DNAH14: variants seen among roughly 807,000 people sequenced by gnomAD.
DNAH14 encodes axonemal beta dynein heavy chain 14.
Under a neutral mutation model 520.9 loss-of-function variants are expected in DNAH14, and 478 were observed. That is an observed-to-expected ratio of 0.92 (90% CI 0.85 to 0.99). DNAH14 has a LOEUF of 0.99. Among genes scored for constraint, DNAH14 ranks in the 50% least tolerant of loss-of-function variants. The pLI, the probability that DNAH14 is intolerant of heterozygous loss-of-function variation, is 0.00. For synonymous variants in DNAH14, 1,581 were observed against 1,757.2 expected, an observed-to-expected ratio of 0.90 and a Z score of 2.51; for missense variants, 4,831 against 5,234.5, an observed-to-expected ratio of 0.92 and a Z score of 2.38.
chr1:225,328,633 G>A (rs945073337), intron 64 of DNAH14, among the ~76,000 whole-genome samples: 1 of 88,064 alleles, frequency 1.1e-5, no homozygotes, highest in African/African-American at 6.1e-5. Context: ...GAAAATCTAA[G>A]GAACTTTGGG....
chr1:225,366,203 C>T (rs2095550953), intron 76 of DNAH14, among the ~76,000 whole-genome samples: 1 of 152,136 alleles, frequency 6.6e-6, no homozygotes, highest in Non-Finnish European at 1.5e-5. Context: ...GAAATAACTA[C>T]TCTCACATAA....
chr1:225,230,949 G>C (rs1049646685), intron 41 of DNAH14, 124 bp from the exon 42 acceptor site: 1 of 629,224 alleles, frequency 1.6e-6, no homozygotes, highest in Non-Finnish European at 2.7e-6. Context: ...GATACTGTAT[G>C]TTAAATAAAG....
chr1:225,360,858 C>G lies in DNAH14; in HGVS notation c.11954C>G (p.Ser3985Ter). 1 of 1,551,710 alleles carries G rather than the reference C, an allele frequency of 6.4e-7. No individual in the cohort carries two copies. Residue 3985 changes from serine to a stop codon, truncating the protein, a stop_gained, in exon 75 of 86, where the codon TCA becomes TGA. Coordinates refer to ENST00000682510, the MANE Select transcript of DNAH14 (RefSeq NM_001367479.1). LOFTEE classifies it high-confidence loss of function. ...CTCCAGAACTGCCATCTTGCAACATCATTTATGCCAAGGCTTTGCACAATT... is the reference window on the plus strand; with the variant it reads ...CTCCAGAACTGCCATCTTGCAACATGATTTATGCCAAGGCTTTGCACAATT... ...VFLQNCHLAT[S>*]FMPRLCTIVE...
At chr1:224,947,562 C>G (rs1237388035) in intron 1 of DNAH14, among the ~76,000 whole-genome samples, 1 of 151,982 alleles carries the variant, frequency 6.6e-6, no homozygotes, top group South Asian at 2.1e-4. Context: ...TATTTTTAAA[C>G]ATTTCTGCTT....
intron 1 of DNAH14, among the ~76,000 whole-genome samples, chr1:224,939,609 G>C (rs780813854): frequency 2.0e-5 from 3 of 152,082 alleles, no homozygotes; most frequent in African/African-American, 7.2e-5. Context: ...GCGTGAACCC[G>C]GGAGGTGGAG....
intron 19 of DNAH14, among the ~76,000 whole-genome samples, chr1:225,082,197 T>TGTGTGTGTGTGTGTGTGTGC (rs374597749): frequency 3.3e-4 from 50 of 151,690 alleles, no homozygotes; most frequent in Non-Finnish European, 5.4e-4. Context: ...TGTGTGTGTG[T>TGTGTGTGTGTGTGTGTGTGC]GCACATGCGC....
At chr1:225,294,755 C>A (rs2093969254) in intron 55 of DNAH14, among the ~76,000 whole-genome samples, 1 of 151,490 alleles carries the variant, frequency 6.6e-6, no homozygotes, top group South Asian at 2.1e-4. Context: ...ACCCAGGAGA[C>A]AGAGGTTGCC....
At chr1:225,069,240 G>A (rs2071268865) in intron 17 of DNAH14, among the ~76,000 whole-genome samples, 1 of 152,078 alleles carries the variant, frequency 6.6e-6, no homozygotes, top group Non-Finnish European at 1.5e-5. Context: ...TTGCAATACT[G>A]TGTTGAATAG....
At chr1:225,096,106 A>T (rs1220885542) in intron 21 of DNAH14, among the ~76,000 whole-genome samples, 1 of 151,780 alleles carries the variant, frequency 6.6e-6, no homozygotes, top group African/African-American at 2.4e-5. Flanking sequence ...ATCTGGGATT[A>T]CCGGCACCGC....
chr1:225,357,916 CT>C (rs1324303049), intron 73 of DNAH14: 3 of 691,958 alleles, frequency 4.3e-6, no homozygotes. Context: ...GGTCTTTCCT[CT>C]GAAATTTTCA....
chr1:225,212,138 G>A (rs1449393758), intron 41 of DNAH14, among the ~76,000 whole-genome samples: 1 of 140,682 alleles, frequency 7.1e-6, no homozygotes, highest in Non-Finnish European at 1.5e-5. Context: ...TCCCACCTAT[G>A]AGTGAGAACA....
chr1:225,046,058 CATTT>C (rs1026321339), intron 15 of DNAH14, among the ~76,000 whole-genome samples: 8 of 151,290 alleles, frequency 5.3e-5, no homozygotes, highest in African/African-American at 1.7e-4. Flanking sequence ...ATTTTTCAGT[CATTT>C]ATTTATATGA....
At position 224,955,013 on chromosome 1, in the gene DNAH14, A is replaced by C. The variant is rs779147513; in HGVS notation, c.132A>C (p.Gln44His). 3.1e-6 allele frequency: 5 copies of C among 1,610,766 alleles called. No homozygotes were observed. In the South Asian group the frequency reaches 5.5e-5, roughly 18 times the overall value. The change falls in exon 3 of 86, where the codon CAA becomes CAC. Residue 44 changes from glutamine (Q) to histidine (H), a missense_variant. Physicochemically the swap from Gln to His is conservative, Grantham distance 24 (BLOSUM62 0). Coordinates refer to ENST00000682510, the MANE Select transcript of DNAH14 (RefSeq NM_001367479.1). ...AAGATGTGAAACCATTAGAGACTCA[A>C]CCAGCTGAAATAGCAGAAAAGGAAA... is the stretch of plus-strand genomic sequence containing the variant. ...KYEDVKPLETQPAEIAEKETL... is the reference protein window; with the variant it reads ...KYEDVKPLETHPAEIAEKETL...
In DNAH14 at chr1:225,337,390, T is replaced by C. The variant is rs1380069489; in HGVS notation, c.10205T>C (p.Ile3402Thr). 3 of 1,551,362 alleles carry C rather than the reference T, an allele frequency of 1.9e-6. No individual in the cohort carries two copies. Among genetic ancestry groups the C allele is most frequent in the East Asian group, 2.4e-5 (1 of 40,908 alleles). ...IDPHRQAHKW[I>T]RQMEGSRLQK... ...CCACATAGGCAAGCTCACAAATGGA[T>C]CCGTCAGATGGAAGGATCCAGGCTG... Residue 3402 changes from isoleucine (I) to threonine (T), a missense_variant, in exon 67 of 86, where the codon ATC (isoleucine) becomes ACC (threonine). By Grantham distance (89) the Ile-to-Thr change is moderately conservative (BLOSUM62 -1). Coordinates refer to ENST00000682510, the MANE Select transcript of DNAH14 (RefSeq NM_001367479.1).
In DNAH14 at chr1:225,377,105, G is replaced by A. The variant is rs182462215; in HGVS notation, c.12517-132G>A. 4.1e-3 allele frequency: 2,956 copies of A among 721,066 alleles called. 12 individuals carry two copies. The highest frequency in any genetic ancestry group is 5.6e-3 in the Non-Finnish European group (2,664 of 477,636). 44.7% of individuals were successfully genotyped at this position (721,066 alleles called of 1,614,324 possible). On this transcript the variant is annotated intron_variant, in intron 78 of 85. Coordinates refer to ENST00000682510, the MANE Select transcript of DNAH14 (RefSeq NM_001367479.1). ...CCACATGCAAATAAGAAAGCCTTCGGTATAAAATTTCATGGGAAAATATTG... is the reference window on the plus strand; with the variant it reads ...CCACATGCAAATAAGAAAGCCTTCGATATAAAATTTCATGGGAAAATATTG...
At chr1:225,335,940 CAT>C (rs1324726989) in intron 66 of DNAH14, among the ~76,000 whole-genome samples, 1 of 113,380 alleles carries the variant, frequency 8.8e-6, no homozygotes, top group Non-Finnish European at 2.0e-5. Context: ...CCTATATATA[CAT>C]ATATGTATAT....
At chr1:225,242,243 A>AT (rs149318224) in intron 43 of DNAH14, among the ~76,000 whole-genome samples, 15 of 151,586 alleles carry the variant, frequency 9.9e-5, no homozygotes, top group African/African-American at 3.4e-4. Context: ...CAAAAAAAAA[A>AT]TTTTTTTTCT....
Position 225,050,503 on chromosome 1 carries a change from C to G in DNAH14, c.2079+127C>G, listed in dbSNP as rs2068434108. The G allele has an allele frequency of 4.1e-6, 4 of 977,818 alleles. No individual in the cohort carries two copies. The Admixed American group carries it at 1.1e-4, about 27-fold the overall frequency. The allele number at this position is 977,818 out of a possible 1,614,324, so 60.6% of individuals were successfully genotyped here. On this transcript the variant is annotated intron_variant, in intron 16 of 85. Coordinates refer to ENST00000682510, the MANE Select transcript of DNAH14 (RefSeq NM_001367479.1). ...ATAGCAATTGAAAAATCATTTCCAGCTTATCTCCCCATTTGTTTTTCCCAT... is the reference window on the plus strand; with the variant it reads ...ATAGCAATTGAAAAATCATTTCCAGGTTATCTCCCCATTTGTTTTTCCCAT...
At chr1:225,388,518 C>T in intron 82 of DNAH14, 27 bp downstream of exon 82, 1 of 1,353,178 alleles carries the variant, frequency 7.4e-7, no homozygotes, top group Non-Finnish European at 1.0e-6. Flanking sequence ...CTTTACATTT[C>T]TTCCTCATTT....
Sources: gnomAD v4.1 joint callset for allele counts (sites outside exome capture counted in the v4.1 genomes callset) on GRCh38, gnomAD v4.1.1 for gene constraint, MANE v1.5 for transcripts, NCBI Gene and HGNC (gene_info 2026-07-23, HGNC 2026-07-21) for gene names.